Variants in DUSP16 observed in about 807,000 individuals in gnomAD.
The protein encoded by DUSP16 is dual specificity protein phosphatase 16.
In DUSP16, 21 loss-of-function variants were observed where a neutral mutation model predicts 58.3. That is an observed-to-expected ratio of 0.36 (90% CI 0.26 to 0.52). The LOEUF (loss-of-function observed/expected upper bound fraction) is 0.52. DUSP16 is among the 20% of genes least tolerant of loss of function. DUSP16 has a pLI of 0.94. For synonymous variants in DUSP16, 320 were observed against 323.8 expected (o/e 0.99, Z 0.12); for missense variants, 726 against 819.0 (o/e 0.89, Z 1.39).
chr12:12,498,578 C>G (rs1393035133), intron 4 of DUSP16, among the ~76,000 whole-genome samples: 1 of 152,012 alleles, frequency 6.6e-6, no homozygotes, highest in Non-Finnish European at 1.5e-5. Context: ...CAAAGCCCGG[C>G]TAATTTTTGT....
Position 12,519,861 on chromosome 12 carries a change from C to A in DUSP16, c.367+1G>T, listed in dbSNP as rs780245646. 1 of 1,614,030 alleles carries A rather than the reference C, an allele frequency of 6.2e-7. No homozygotes were observed. The highest frequency in any genetic ancestry group is 8.5e-7 in the Non-Finnish European group (1 of 1,179,932). Reference sequence around the variant, plus strand: ...CCTTTTAATTCCATCACGAGCCTTACCTGCAAGCAGGTGAACAGAGTTGAA... The same window carrying A: ...CCTTTTAATTCCATCACGAGCCTTAACTGCAAGCAGGTGAACAGAGTTGAA... On this transcript the variant is annotated splice_donor_variant, in intron 3 of 6. Transcript: ENST00000298573. LOFTEE classifies it high-confidence loss of function.
At chr12:12,520,188 T>C (rs1219867190) in intron 2 of DUSP16, among the ~76,000 whole-genome samples, 188 bp from the exon 3 acceptor site, 1 of 152,172 alleles carries the variant, frequency 6.6e-6, no homozygotes, top group Admixed American at 6.5e-5. Flanking sequence ...AAAACCAAAA[T>C]GATGCTATTT....
intron 1 of DUSP16, among the ~76,000 whole-genome samples, chr12:12,537,223 GA>G (rs925634428): frequency 3.9e-5 from 6 of 152,020 alleles, no homozygotes; most frequent in Non-Finnish European, 8.8e-5. Flanking sequence ...GTCATGTCAT[GA>G]AAAAAAGATG....
rs111974087 is a variant in DUSP16 at position 12,551,021 on chromosome 12, A to G, written c.-366+11096T>C. On this transcript the variant is annotated intron_variant, in intron 1 of 6. Coordinates refer to ENST00000298573, the MANE Select transcript of DUSP16 (RefSeq NM_030640.3). ...TATGATGAAATAGGAAGCACACATA[A>G]AGCATTTCTGCTGCATACCTAAGTA... 2.1e-3 allele frequency among the ~76,000 whole-genome samples: 323 copies of G among 152,250 alleles called. 3 individuals are homozygous for G. Among genetic ancestry groups the G allele is most frequent in the African/African-American group, 7.5e-3 (311 of 41,538 alleles).
intron 4 of DUSP16, among the ~76,000 whole-genome samples, chr12:12,490,358 A>G (rs542159367): frequency 1.3e-5 from 2 of 152,330 alleles, no homozygotes; most frequent in South Asian, 4.1e-4. Context: ...TGGAATAGTA[A>G]GATGGGACTT....
intron 2 of DUSP16, among the ~76,000 whole-genome samples, chr12:12,520,407 A>G (rs1944215858): frequency 6.6e-6 from 1 of 152,214 alleles, no homozygotes; most frequent in African/African-American, 2.4e-5. Flanking sequence ...GAAAAAAACC[A>G]ACTTCCTCAC....
intron 1 of DUSP16, among the ~76,000 whole-genome samples, chr12:12,531,975 G>A (rs930285503): frequency 6.6e-6 from 1 of 151,902 alleles, no homozygotes; most frequent in African/African-American, 2.4e-5. Flanking sequence ...TGGCTAACAA[G>A]GTGAAACCCC....
intron 4 of DUSP16, among the ~76,000 whole-genome samples, chr12:12,498,693 A>G (rs1255484456): frequency 2.0e-5 from 3 of 152,146 alleles, no homozygotes; most frequent in African/African-American, 7.2e-5. Flanking sequence ...AGGATTCCAA[A>G]GTGTGTGAGC....
chr12:12,560,324 T>C (rs1487334257), intron 1 of DUSP16, among the ~76,000 whole-genome samples: 1 of 152,256 alleles, frequency 6.6e-6, no homozygotes, highest in Admixed American at 6.5e-5. Flanking sequence ...TTCAAAACAC[T>C]ATTCACACTA....
At chr12:12,512,527 C>T (rs10845569) in intron 3 of DUSP16, among the ~76,000 whole-genome samples, 42,643 of 152,094 alleles carry the variant, frequency 0.28, 6,940 homozygotes, top group Non-Finnish European at 0.35. Context: ...CTACTGTTTT[C>T]ATGAGTTTGA....
In DUSP16 at chr12:12,541,584, CT is replaced by C. The variant is rs199962494; in HGVS notation, c.-365-20122del. 8.8e-3 allele frequency among the ~76,000 whole-genome samples: 1,342 copies of C among 152,342 alleles called. 22 individuals carry two copies. Among genetic ancestry groups the C allele is most frequent in the African/African-American group, 0.031 (1,268 of 41,566 alleles). On this transcript the variant is annotated intron_variant, in intron 1 of 6. Transcript: ENST00000298573. ...GTTGTAGTTGGAATGAGCTGTCTGT[CT>C]AGACCCATGGTCTTCAAGCTTTTCA... is the stretch of plus-strand genomic sequence containing the variant.
chr12:12,549,648 C>G (rs1291403450), intron 1 of DUSP16, among the ~76,000 whole-genome samples: 1 of 152,152 alleles, frequency 6.6e-6, no homozygotes, highest in African/African-American at 2.4e-5. Context: ...GTTCTCCTCT[C>G]ACATATGTTA....
intron 1 of DUSP16, among the ~76,000 whole-genome samples, chr12:12,537,972 C>G (rs915370884): frequency 7.2e-5 from 11 of 152,136 alleles, no homozygotes; most frequent in African/African-American, 2.7e-4. Flanking sequence ...TCCTATAGCA[C>G]AATTTCCCAC....
At chr12:12,528,154 C>T (rs1014389370) in intron 1 of DUSP16, among the ~76,000 whole-genome samples, 3 of 151,910 alleles carry the variant, frequency 2.0e-5, no homozygotes, top group Non-Finnish European at 4.4e-5. Flanking sequence ...CACCTGAGCT[C>T]TCCTCCTCCT....
Position 12,512,197 on chromosome 12 carries a change from C to A in DUSP16, c.367+7665G>T, listed in dbSNP as rs147339171. On this transcript the variant is annotated intron_variant, in intron 3 of 6. Transcript: ENST00000298573. ...ACAGCAGCCAGTGAGCAAACAGCAC[C>A]TTTTTCCCCAGCTTTATTGAAGTAT... is the stretch of plus-strand genomic sequence containing the variant. Among the ~76,000 whole-genome samples, 1,081 of 152,198 alleles carry A rather than the reference C, an allele frequency of 7.1e-3. 45 individuals carry two copies. Among genetic ancestry groups the A allele is most frequent in the Admixed American group, 0.062 (950 of 15,294 alleles).
intron 3 of DUSP16, among the ~76,000 whole-genome samples, chr12:12,508,300 T>C (rs56015540): frequency 9.9e-5 from 15 of 151,350 alleles, no homozygotes; most frequent in East Asian, 3.9e-4. Flanking sequence ...ACAGTAAACA[T>C]GGAGAGTTGA....
At chr12:12,503,009 G>A (rs1181172431) in intron 3 of DUSP16, among the ~76,000 whole-genome samples, 1 of 152,084 alleles carries the variant, frequency 6.6e-6, no homozygotes, top group Non-Finnish European at 1.5e-5. Flanking sequence ...AAGAACACAA[G>A]CCCTTGTACC....
At chr12:12,505,134 AAGGCTCAGAATCACATAATAT>A (rs1170619895) in intron 3 of DUSP16, among the ~76,000 whole-genome samples, 1 of 152,236 alleles carries the variant, frequency 6.6e-6, no homozygotes, top group African/African-American at 2.4e-5. Context: ...ATTTATAGAT[AAGGCTCAGAATCACATAATAT>A]AGGCTCAGAA....
rs1592157691 is a variant in DUSP16, at chr12:12,476,885, A to G, written c.1946T>C (p.Val649Ala). 3.7e-6 allele frequency: 6 copies of G among 1,613,054 alleles called. No homozygotes were observed. The highest frequency in any genetic ancestry group is 5.1e-6 in the Non-Finnish European group (6 of 1,179,968). Residue 649 changes from valine (V) to alanine (A), a missense_variant, in exon 7 of 7, where the codon GTG (valine) becomes GCG (alanine). Coordinates refer to ENST00000298573, the MANE Select transcript of DUSP16 (RefSeq NM_030640.3). The part of the protein sequence containing the change: ...ENRSREELGK[V>A]GSQSSFSGSM... ...GCCCGAAAAGCTAGACTGACTGCCCACTTTCCCCAGCTCTTCCCGTGACCT... is the reference window on the plus strand; with the variant it reads ...GCCCGAAAAGCTAGACTGACTGCCCGCTTTCCCCAGCTCTTCCCGTGACCT...
Sources: gnomAD v4.1 joint callset for allele counts (sites outside exome capture counted in the v4.1 genomes callset) on GRCh38, gnomAD v4.1.1 for gene constraint, MANE v1.5 for transcripts, NCBI Gene and HGNC (gene_info 2026-07-23, HGNC 2026-07-21) for gene names.